Variants in RANGAP1 observed in about 807,000 individuals in gnomAD.
RANGAP1 encodes ran GTPase-activating protein 1.
RANGAP1 carries 38 observed loss-of-function variants against 63.5 expected under a neutral mutation model. That is an observed-to-expected ratio of 0.60 (90% confidence interval 0.46 to 0.78). The LOEUF is 0.78. Ranked by LOEUF, RANGAP1 falls within the 30% of genes least tolerant of loss-of-function variation. The pLI is 0.00. For missense variants in RANGAP1, 630 were observed against 740.3 expected (o/e 0.85, Z 1.73); for synonymous variants, 329 against 310.5 (o/e 1.06, Z -0.63).
chr22:41,291,584 TG>T, the RANGAP1 span, among the ~76,000 whole-genome samples: 2 of 59,310 alleles, frequency 3.4e-5, no homozygotes, highest in African/African-American at 1.4e-4. Context: ...ATCAACAGAG[TG>T]AGATCCATCT....
intron 3 of RANGAP1, among the ~76,000 whole-genome samples, chr22:41,271,440 T>C (rs2034822813): frequency 6.7e-6 from 1 of 148,902 alleles, no homozygotes; most frequent in Admixed American, 6.7e-5. Context: ...CTCACGCCTG[T>C]AATCCCAGCA....
At chr22:41,297,617 C>T in the RANGAP1 span, among the ~76,000 whole-genome samples, 1 of 150,204 alleles carries the variant, frequency 6.7e-6, no homozygotes, top group Non-Finnish European at 1.5e-5. Context: ...CTCAAGGATC[C>T]TCCGCTTTGA....
At chr22:41,251,181 G>A in intron 12 of RANGAP1, 72 bp from the exon 13 acceptor site, 2 of 1,231,716 alleles carry the variant, frequency 1.6e-6, no homozygotes, top group Non-Finnish European at 2.4e-6. Context: ...ACGCTAGCTA[G>A]GAGAGGCCTG....
At chr22:41,296,779 G>GAC in the RANGAP1 span, among the ~76,000 whole-genome samples, 6 of 151,994 alleles carry the variant, frequency 3.9e-5, no homozygotes, top group African/African-American at 9.7e-5. Context: ...ATGAGAGAGA[G>GAC]ACACACACAC....
the RANGAP1 span, among the ~76,000 whole-genome samples, chr22:41,298,046 C>T: frequency 6.6e-6 from 1 of 151,980 alleles, no homozygotes; most frequent in Non-Finnish European, 1.5e-5. Context: ...TTAGTAGAGA[C>T]AAGGTTTCCC....
chr22:41,295,059 T>C, the RANGAP1 span, among the ~76,000 whole-genome samples: 4 of 134,506 alleles, frequency 3.0e-5, no homozygotes, highest in East Asian at 2.6e-4. Flanking sequence ...CCAGCCGCCC[T>C]ATCCGGGAGG....
intron 6 of RANGAP1, among the ~76,000 whole-genome samples, chr22:41,260,141 C>T (rs1274324948): frequency 6.6e-6 from 1 of 152,104 alleles, no homozygotes; most frequent in African/African-American, 2.4e-5. Flanking sequence ...ATTTTAGCTA[C>T]ATTAGTAATA....
chr22:41,281,516 A>G (rs1250135189), intron 1 of RANGAP1: 1 of 991,250 alleles, frequency 1.0e-6, no homozygotes, highest in Admixed American at 5.6e-5. Context: ...CAGGACACAG[A>G]TGGCTATGGG....
chr22:41,266,001 G>T (rs1008101665), intron 4 of RANGAP1, among the ~76,000 whole-genome samples: 2 of 152,002 alleles, frequency 1.3e-5, no homozygotes, highest in African/African-American at 4.8e-5. Context: ...GGGAGATCGA[G>T]ACCATCCTGG....
In RANGAP1 at chr22:41,252,914, C is replaced by A; in HGVS notation, c.1338G>T (p.Leu446=). 1 of 1,571,508 alleles carries A rather than the reference C, an allele frequency of 6.4e-7. No individual in the cohort carries two copies. Among genetic ancestry groups the A allele is most frequent in the Admixed American group, 1.9e-5 (1 of 53,076 alleles). The change falls in exon 12 of 16, where the codon CTG becomes CTT. Residue 446 remains leucine (L), a synonymous_variant. Transcript: ENST00000356244. ...CGGAGCTCTTGGGCCCTAGGCGCAG[C>A]AGCTTCTCTGGAGAGGGAAAAGCCA... The part of the protein sequence containing the change: ...TFLAFPSPEK[L]LRLGPKSSVL...
intron 1 of RANGAP1, chr22:41,285,658 G>A: frequency 1.0e-6 from 1 of 985,392 alleles, no homozygotes; most frequent in Non-Finnish European, 1.2e-6. Context: ...GGCGGGCGGC[G>A]CAGGAGCCCC....
chr22:41,255,925 G>A, intron 10 of RANGAP1, 96 bp downstream of exon 10: 1 of 1,278,392 alleles, frequency 7.8e-7, no homozygotes, highest in South Asian at 1.3e-5. Flanking sequence ...CTGTACTTTA[G>A]CCTGGGGAAC....
At chr22:41,274,886 G>C (rs1366021117) in intron 2 of RANGAP1, among the ~76,000 whole-genome samples, 159 bp from the exon 3 acceptor site, 1 of 152,128 alleles carries the variant, frequency 6.6e-6, no homozygotes, top group African/African-American at 2.4e-5. Flanking sequence ...ATGGTCCAGA[G>C]TACAGAGCTA....
intron 2 of RANGAP1, among the ~76,000 whole-genome samples, chr22:41,279,693 T>C (rs1181051814): frequency 6.6e-6 from 1 of 151,436 alleles, no homozygotes; most frequent in Non-Finnish European, 1.5e-5. Context: ...TCCCAGCTAT[T>C]TGGGAGGCTG....
Position 41,281,058 on chromosome 22 carries a change from G to T in RANGAP1, c.-14C>A. The T allele has an allele frequency of 1.3e-6, 2 of 1,581,956 alleles. No homozygotes were observed. The highest frequency in any genetic ancestry group is 2.0e-4 in the Middle Eastern group (1 of 5,040). On this transcript the variant is annotated 5_prime_UTR_variant, in exon 2 of 16. Coordinates refer to ENST00000356244, the MANE Select transcript of RANGAP1 (RefSeq NM_002883.4). ...TTCCGAGGCCATGTTGACTAGGCTGGTGGGCTCCCCTGGAGATCTGCAGAC... is the reference window on the plus strand; with the variant it reads ...TTCCGAGGCCATGTTGACTAGGCTGTTGGGCTCCCCTGGAGATCTGCAGAC...
In RANGAP1 at chr22:41,257,269, G is replaced by A. The variant is rs1390874899; in HGVS notation, c.775-445C>T. ...CATCTCTGCTAACACACAGGCAGCC[G>A]GACTAGCCTTCTGTGGGGCCACGGG... On this transcript the variant is annotated intron_variant, in intron 7 of 15. Coordinates refer to ENST00000356244, the MANE Select transcript of RANGAP1 (RefSeq NM_002883.4). This position sits in a 1 kb window ranked among gnomAD's most constrained non-coding sequence, Gnocchi z 4.0. Among the ~76,000 whole-genome samples the A allele has an allele frequency of 1.3e-5, 2 of 152,144 alleles. No individual in the cohort carries two copies.
At chr22:41,294,741 GC>G in the RANGAP1 span, among the ~76,000 whole-genome samples, 7 of 136,120 alleles carry the variant, frequency 5.1e-5, no homozygotes, top group Non-Finnish European at 9.5e-5. Context: ...CTGCCCGGCC[GC>G]CCCATCTGAG....
chr22:41,254,476 C>G lies in RANGAP1; in HGVS notation c.1092G>C (p.Glu364Asp), dbSNP rs1601604945. Reference sequence around the variant, plus strand: ...CTTCCTCTTCTCCTTCCTCCTCCTCCTCCTCGTCCTCGTCATCACTGCAGA... The same window carrying G: ...CTTCCTCTTCTCCTTCCTCCTCCTCGTCCTCGTCCTCGTCATCACTGCAGA... Reference protein sequence around the residue: ...LASLSDDEDEEEEEEGEEEEE... With the variant: ...LASLSDDEDEDEEEEGEEEEE... Residue 364 changes from glutamate (E) to aspartate (D), a missense_variant, in exon 11 of 16, where the codon GAG (glutamate) becomes GAC (aspartate). Physicochemically the swap from Glu to Asp is conservative, Grantham distance 45. Around this residue, in one of 3 missense-constraint regions of RANGAP1, gnomAD observed 428 missense variants for 465.5 expected, o/e 0.92. Coordinates refer to ENST00000356244, the MANE Select transcript of RANGAP1 (RefSeq NM_002883.4). 6.3e-7 allele frequency: 1 copy of G among 1,597,694 alleles called. No homozygotes were observed. The highest frequency in any genetic ancestry group is 1.7e-4 in the Middle Eastern group (1 of 6,022).
the RANGAP1 span, among the ~76,000 whole-genome samples, chr22:41,299,909 G>A: frequency 7.9e-5 from 12 of 151,784 alleles, no homozygotes; most frequent in Non-Finnish European, 1.6e-4. Flanking sequence ...CCGACACCAC[G>A]CCCAGCTTAT....
Sources: gnomAD v4.1 joint callset for allele counts (sites outside exome capture counted in the v4.1 genomes callset) on GRCh38, gnomAD v4.1.1 for gene constraint, gnomAD v4.1.1 regional missense constraint, Gnocchi (gnomAD v3.1) non-coding constraint, MANE v1.5 for transcripts, NCBI Gene and HGNC (gene_info 2026-07-23, HGNC 2026-07-21) for gene names.